Variants in GRM8 observed in about 807,000 individuals in gnomAD.
GRM8 encodes the protein metabotropic glutamate receptor 8.
A neutral mutation model predicts 87.2 loss-of-function variants in GRM8; 47 were observed. The observed-to-expected ratio is 0.54, with a 90% CI of 0.43 to 0.69. The LOEUF (loss-of-function observed/expected upper bound fraction) is 0.69. Among genes scored for constraint, GRM8 ranks in the 30% least tolerant of loss-of-function variants. The pLI is 0.00. For missense variants in GRM8, 1,019 were observed against 1,139.2 expected (o/e 0.89, Z 1.52); for synonymous variants, 396 against 404.5 (o/e 0.98, Z 0.25).
intron 9 of GRM8, among the ~76,000 whole-genome samples, chr7:126,454,940 A>T (rs1444488976): frequency 6.6e-6 from 1 of 151,738 alleles, no homozygotes; most frequent in Non-Finnish European, 1.5e-5. Flanking sequence ...TGGAAAACTA[A>T]CAGGAATGGG....
rs553223765 is a variant in GRM8 at position 126,540,642 on chromosome 7, C to A, written c.1495-6755G>T. ...TGACACCTACTACAAAATGGATGGA[C>A]CTTGAAAACATTACACTAAGAAATG... On this transcript the variant is annotated intron_variant, in intron 8 of 10. Coordinates refer to ENST00000339582, the MANE Select transcript of GRM8 (RefSeq NM_000845.3). Among the ~76,000 whole-genome samples, 18 of 152,146 alleles carry A rather than the reference C, an allele frequency of 1.2e-4. 1 individual carries two copies. In the South Asian group the frequency reaches 3.5e-3, roughly 30 times the overall value.
intron 7 of GRM8, among the ~76,000 whole-genome samples, chr7:126,657,419 C>G (rs982520653): frequency 6.6e-6 from 1 of 152,088 alleles, no homozygotes; most frequent in Non-Finnish European, 1.5e-5. Context: ...AAAACAACCC[C>G]CCCCCAAAAA....
intron 7 of GRM8, among the ~76,000 whole-genome samples, chr7:126,646,941 C>T (rs977561899): frequency 7.2e-5 from 11 of 152,238 alleles, no homozygotes; most frequent in African/African-American, 2.6e-4. Context: ...ATACAGTGGC[C>T]AGGGCTGGTG....
chr7:126,662,904 G>A (rs1216226719), intron 7 of GRM8, among the ~76,000 whole-genome samples: 1 of 152,102 alleles, frequency 6.6e-6, no homozygotes, highest in African/African-American at 2.4e-5. Flanking sequence ...AAGAATGTTG[G>A]TGTCAATACT....
intron 7 of GRM8, 29 bp from the exon 8 acceptor site, chr7:126,609,527 A>G (rs1226762801): frequency 6.3e-7 from 1 of 1,586,752 alleles, no homozygotes; most frequent in Non-Finnish European, 8.6e-7. Flanking sequence ...CAATGTTAAT[A>G]AAGTTTTAGT....
intron 3 of GRM8, among the ~76,000 whole-genome samples, chr7:126,978,308 T>G (rs978696946): frequency 2.4e-4 from 37 of 152,204 alleles, no homozygotes; most frequent in African/African-American, 8.7e-4. Context: ...GGACAACCCA[T>G]GAAGTACTGC....
chr7:126,718,412 A>G (rs1812000002), intron 7 of GRM8, among the ~76,000 whole-genome samples: 1 of 152,106 alleles, frequency 6.6e-6, no homozygotes, highest in Non-Finnish European at 1.5e-5. Flanking sequence ...GTTGATTCAC[A>G]GATTTTTTGG....
chr7:126,873,352 C>A (rs1213667939), intron 6 of GRM8, among the ~76,000 whole-genome samples: 2 of 152,086 alleles, frequency 1.3e-5, no homozygotes, highest in Admixed American at 6.6e-5. Flanking sequence ...AGAAGCGAAA[C>A]TTATTTTAAT....
At chr7:127,182,432 G>A (rs1269005244) in intron 2 of GRM8, among the ~76,000 whole-genome samples, 2 of 152,006 alleles carry the variant, frequency 1.3e-5, no homozygotes, top group Non-Finnish European at 2.9e-5. Context: ...GGAAAATAGT[G>A]TGGAGATTCC....
intron 7 of GRM8, among the ~76,000 whole-genome samples, chr7:126,711,798 C>T (rs1811120937): frequency 6.6e-6 from 1 of 152,192 alleles, no homozygotes. Flanking sequence ...ATGGAGATGG[C>T]CTTTTTTCTT....
At chr7:126,746,361 G>T (rs1020960417) in intron 7 of GRM8, among the ~76,000 whole-genome samples, 4 of 151,444 alleles carry the variant, frequency 2.6e-5, no homozygotes, top group Non-Finnish European at 4.4e-5. Flanking sequence ...CTAAATTTAT[G>T]AATAACCAGG....
chr7:126,498,181 C>T (rs552943165), intron 9 of GRM8, among the ~76,000 whole-genome samples: 18 of 151,896 alleles, frequency 1.2e-4, no homozygotes, highest in South Asian at 4.1e-4. Context: ...GCTGTGTATA[C>T]GGAGGGACAG....
intron 3 of GRM8, among the ~76,000 whole-genome samples, chr7:127,013,619 C>A (rs1815112147): frequency 1.3e-5 from 2 of 152,194 alleles, no homozygotes; most frequent in Admixed American, 1.3e-4. Context: ...AGTAATCTTA[C>A]CATAGATGTC....
At chr7:127,035,299 C>G (rs2132337656) in intron 3 of GRM8, among the ~76,000 whole-genome samples, 1 of 152,286 alleles carries the variant, frequency 6.6e-6, no homozygotes, top group East Asian at 1.9e-4. Context: ...AAGGCTGTGT[C>G]TATACGGTGC....
At chr7:126,892,275 T>G (rs985692556) in intron 6 of GRM8, among the ~76,000 whole-genome samples, 1 of 152,020 alleles carries the variant, frequency 6.6e-6, no homozygotes, top group Non-Finnish European at 1.5e-5. Flanking sequence ...GTATATCTCC[T>G]AATGCTATCC....
intron 6 of GRM8, among the ~76,000 whole-genome samples, chr7:126,831,619 C>T (rs1335488589): frequency 6.6e-6 from 1 of 152,146 alleles, no homozygotes; most frequent in Non-Finnish European, 1.5e-5. Context: ...TTTCCTTGAC[C>T]AGGAAAGGGA....
chr7:126,861,323 G>A (rs1431466172), intron 6 of GRM8, among the ~76,000 whole-genome samples: 1 of 151,898 alleles, frequency 6.6e-6, no homozygotes, highest in African/African-American at 2.4e-5. Context: ...TACATAATAT[G>A]TCATATATAA....
intron 3 of GRM8, among the ~76,000 whole-genome samples, chr7:127,076,629 C>A (rs758237122): frequency 1.2e-4 from 18 of 152,168 alleles, no homozygotes; most frequent in Non-Finnish European, 2.6e-4. Context: ...TTTAAGGAGT[C>A]CCTGAAGAGC....
At chr7:127,147,979 C>G (rs1166521553) in intron 2 of GRM8, among the ~76,000 whole-genome samples, 1 of 152,052 alleles carries the variant, frequency 6.6e-6, no homozygotes, top group African/African-American at 2.4e-5. Flanking sequence ...CATCCCCTTG[C>G]CATTGAACCA....
Sources: allele counts gnomAD v4.1 joint callset (sites outside exome capture counted in the v4.1 genomes callset), GRCh38; gene constraint gnomAD v4.1.1; transcripts MANE v1.5; gene names NCBI Gene and HGNC (gene_info 2026-07-23, HGNC 2026-07-21).